Variants in DAB1 observed in about 807,000 individuals in gnomAD.
The protein encoded by DAB1 is disabled homolog 1.
In DAB1, 15 loss-of-function variants were observed where a neutral mutation model predicts 64.6. The observed-to-expected ratio is 0.23, with a 90% CI of 0.16 to 0.36. The LOEUF is 0.36. Among genes scored for constraint, DAB1 ranks in the 10% least tolerant of loss-of-function variants. The pLI is 1.00. For synonymous variants in DAB1, 235 were observed against 251.9 expected (o/e 0.93, Z 0.64); for missense variants, 596 against 706.7 (o/e 0.84, Z 1.78).
Position 57,727,124 on chromosome 1 carries a change from G to A in DAB1, n.552-77459C>T, listed in dbSNP as rs1326959185. ...GAAATACTCTTGGCTAGAGGTGACTGCAGCTGCAATTCAACTTTGAAATCC... is the reference window on the plus strand; with the variant it reads ...GAAATACTCTTGGCTAGAGGTGACTACAGCTGCAATTCAACTTTGAAATCC... On this transcript the variant is annotated intron_variant and non_coding_transcript_variant, in intron 6 of 20. Coordinates refer to the DAB1 transcript ENST00000485760. 5.3e-5 allele frequency among the ~76,000 whole-genome samples: 8 copies of A among 152,328 alleles called. No individual in the cohort carries two copies. The East Asian group carries it at 1.4e-3, about 26-fold the overall frequency.
At chr1:58,013,151 G>T (rs1414340028) in intron 5 of DAB1, among the ~76,000 whole-genome samples, 1 of 152,136 alleles carries the variant, frequency 6.6e-6, no homozygotes, top group Non-Finnish European at 1.5e-5. Context: ...AACCTTTGTG[G>T]TATTAAGCTA....
intron 2 of DAB1, among the ~76,000 whole-genome samples, chr1:57,230,644 G>A (rs930063567): frequency 4.7e-5 from 7 of 148,446 alleles, no homozygotes; most frequent in Non-Finnish European, 8.9e-5. Context: ...ATATGTCATA[G>A]CTTTACATAT....
At chr1:57,862,386 C>G (rs896753364) in intron 1 of DAB1, 1 of 152,078 alleles carries the variant, frequency 6.6e-6, no homozygotes, top group Admixed American at 6.6e-5. Context: ...AAAGTTAGAG[C>G]TTTTCTCATC....
intron 4 of DAB1, among the ~76,000 whole-genome samples, chr1:58,314,761 T>C (rs920114123): frequency 6.6e-6 from 1 of 152,230 alleles, no homozygotes; most frequent in African/African-American, 2.4e-5. Context: ...ACAGAGATTT[T>C]TTGTCTGTTT....
chr1:57,929,164 G>A (rs1445099693), intron 5 of DAB1, among the ~76,000 whole-genome samples: 2 of 152,066 alleles, frequency 1.3e-5, no homozygotes, highest in African/African-American at 2.4e-5. Context: ...TCATTGTCTC[G>A]ATTTGTATTC....
intron 4 of DAB1, among the ~76,000 whole-genome samples, chr1:58,285,616 G>A (rs1056436330): frequency 1.3e-5 from 2 of 152,180 alleles, no homozygotes; most frequent in African/African-American, 4.8e-5. Context: ...AACAAGGGAA[G>A]TGGAGAACAT....
intron 2 of DAB1, among the ~76,000 whole-genome samples, chr1:57,162,020 T>C (rs538083064): frequency 6.6e-6 from 1 of 152,298 alleles, no homozygotes; most frequent in South Asian, 2.1e-4. Context: ...TCCCCTATAA[T>C]TGGATAGTTA....
chr1:58,316,707 A>G (rs1662566000), intron 4 of DAB1, among the ~76,000 whole-genome samples: 1 of 152,226 alleles, frequency 6.6e-6, no homozygotes, highest in Non-Finnish European at 1.5e-5. Flanking sequence ...CACCTGGACC[A>G]CAGCAGCACC....
chr1:57,948,238 C>T (rs572623577), intron 5 of DAB1, among the ~76,000 whole-genome samples: 1 of 152,200 alleles, frequency 6.6e-6, no homozygotes, highest in Non-Finnish European at 1.5e-5. Flanking sequence ...TGTAACTGAA[C>T]ACACAATCAC....
intron 7 of DAB1, among the ~76,000 whole-genome samples, chr1:57,553,398 G>GAAAGAAAGAAAGAAAGAA (rs1553193745): frequency 1.1e-4 from 1 of 9,200 alleles, no homozygotes. Flanking sequence ...AAGAAAGAAA[G>GAAAGAAAGAAAGAAAGAA]AAAGAAAGAA....
At chr1:58,108,080 G>A (rs1013262204) in intron 5 of DAB1, among the ~76,000 whole-genome samples, 15 of 152,202 alleles carry the variant, frequency 9.9e-5, no homozygotes, top group African/African-American at 3.6e-4. Context: ...GAGTCTGGCT[G>A]CACACAGCAC....
At chr1:58,286,821 C>T (rs975352613) in intron 4 of DAB1, among the ~76,000 whole-genome samples, 9 of 152,038 alleles carry the variant, frequency 5.9e-5, no homozygotes, top group East Asian at 1.9e-4. Context: ...TTACTGGGTA[C>T]ATACCCAAAG....
chr1:57,536,758 C>T (rs887070706), intron 7 of DAB1, among the ~76,000 whole-genome samples: 1 of 151,982 alleles, frequency 6.6e-6, no homozygotes, highest in Non-Finnish European at 1.5e-5. Context: ...CACTGCTTAC[C>T]TCTCCCTTTC....
intron 2 of DAB1, among the ~76,000 whole-genome samples, chr1:57,193,376 CAT>C (rs1491383216): frequency 1.1e-5 from 1 of 93,540 alleles, no homozygotes; most frequent in East Asian, 2.9e-4. Context: ...TCATCCGTAG[CAT>C]ATGTTTTTTT....
intron 6 of DAB1, among the ~76,000 whole-genome samples, chr1:57,751,841 T>TAAATAAATAAAG: frequency 6.6e-6 from 1 of 151,758 alleles, no homozygotes; most frequent in Admixed American, 6.6e-5. Flanking sequence ...ACTTAATAAA[T>TAAATAAATAAAG]AAATAAATAA....
At chr1:58,183,879 G>A (rs979284665) in intron 4 of DAB1, among the ~76,000 whole-genome samples, 2 of 151,558 alleles carry the variant, frequency 1.3e-5, no homozygotes, top group Non-Finnish European at 2.9e-5. Context: ...AAGCCTGTTA[G>A]ATACCCCTAT....
chr1:57,263,713 TAGC>T (rs1670372516), intron 2 of DAB1, among the ~76,000 whole-genome samples: 1 of 152,142 alleles, frequency 6.6e-6, no homozygotes, highest in Non-Finnish European at 1.5e-5. Flanking sequence ...TTGGAGAGAA[TAGC>T]AAAGGAATAG....
intron 6 of DAB1, among the ~76,000 whole-genome samples, chr1:57,789,923 C>T (rs546264160): frequency 6.6e-6 from 1 of 152,202 alleles, no homozygotes; most frequent in Admixed American, 6.5e-5. Context: ...TGGCAGAGGT[C>T]GAGCAGTGTA....
At chr1:57,494,999 T>TGA (rs761543741) in intron 7 of DAB1, among the ~76,000 whole-genome samples, 3 of 152,130 alleles carry the variant, frequency 2.0e-5, no homozygotes, top group Non-Finnish European at 4.4e-5. Flanking sequence ...TTCGAGCCAT[T>TGA]CTCAACAGCC....
Sources: gnomAD v4.1 joint callset for allele counts (sites outside exome capture counted in the v4.1 genomes callset) on GRCh38, gnomAD v4.1.1 for gene constraint, MANE v1.5 for transcripts, NCBI Gene and HGNC (gene_info 2026-07-23, HGNC 2026-07-21) for gene names.